The following SLC25A31 variants were observed in gnomAD, a reference collection of about 807,000 sequenced individuals.
SLC25A31 encodes ADP/ATP translocase 4.
Under a neutral mutation model 36.2 loss-of-function variants are expected in SLC25A31, and 40 were observed. That is an observed-to-expected ratio of 1.10 (90% CI 0.86 to 1.44). The LOEUF is 1.44. Ranked by LOEUF, SLC25A31 falls within the 40% of genes most tolerant of loss-of-function variation. The probability of loss-of-function intolerance (pLI) is 0.00; values close to 1 mark genes in which losing one functional copy is unlikely to be tolerated. For synonymous variants in SLC25A31, 143 were observed against 149.7 expected (o/e 0.96, Z 0.32); for missense variants, 350 against 397.1 (o/e 0.88, Z 1.01).
At chr4:127,762,426 G>A (rs920103942) in intron 2 of SLC25A31, among the ~76,000 whole-genome samples, 3 of 152,122 alleles carry the variant, frequency 2.0e-5, no homozygotes, top group Admixed American at 2.0e-4. Context: ...ACTTAAGGAG[G>A]TAGGGAGGAT....
At chr4:127,746,371 T>C (rs561230225) in intron 2 of SLC25A31, among the ~76,000 whole-genome samples, 1 of 152,324 alleles carries the variant, frequency 6.6e-6, no homozygotes, top group Admixed American at 6.5e-5. Context: ...CTATACTGCT[T>C]TCCACAATGG....
chr4:127,747,066 A>G (rs141102158), intron 2 of SLC25A31, among the ~76,000 whole-genome samples: 328 of 152,268 alleles, frequency 2.2e-3, no homozygotes, highest in African/African-American at 7.6e-3. Flanking sequence ...CAGCTTTGTC[A>G]AAGATTAGAT....
intron 2 of SLC25A31, among the ~76,000 whole-genome samples, chr4:127,749,096 A>T (rs569884439): frequency 7.9e-5 from 12 of 152,206 alleles, no homozygotes; most frequent in African/African-American, 2.9e-4. Flanking sequence ...AAACAGAACA[A>T]AACGGAAATC....
chr4:127,770,429 A>G (rs947299908), intron 5 of SLC25A31, among the ~76,000 whole-genome samples: 1 of 152,100 alleles, frequency 6.6e-6, no homozygotes, highest in East Asian at 1.9e-4. Flanking sequence ...GATCAAGACC[A>G]TCCTGGCTAA....
chr4:127,762,644 C>T (rs746545137), intron 2 of SLC25A31, among the ~76,000 whole-genome samples: 13 of 152,022 alleles, frequency 8.6e-5, no homozygotes, highest in Non-Finnish European at 1.0e-4. Context: ...CTGGGCCGGG[C>T]GCAGTGGCTC....
chr4:127,756,260 T>C (rs1346875514), intron 2 of SLC25A31, among the ~76,000 whole-genome samples: 2 of 152,230 alleles, frequency 1.3e-5, no homozygotes, highest in Non-Finnish European at 2.9e-5. Context: ...CTCAGCCTTA[T>C]AGAAGACAGA....
intron 1 of SLC25A31, among the ~76,000 whole-genome samples, chr4:127,732,896 C>G (rs1045995385): frequency 1.3e-5 from 2 of 152,068 alleles, no homozygotes; most frequent in African/African-American, 4.8e-5. Context: ...GGGTATAATC[C>G]TACTTTACAA....
At chr4:127,737,058 G>C (rs182926247) in intron 1 of SLC25A31, among the ~76,000 whole-genome samples, 98 of 152,246 alleles carry the variant, frequency 6.4e-4, no homozygotes, top group Non-Finnish European at 1.6e-4. Context: ...CTCTTAGCAG[G>C]GGCATTGGAG....
intron 3 of SLC25A31, 100 bp from the exon 4 acceptor site, chr4:127,766,966 T>C: frequency 9.8e-7 from 1 of 1,018,836 alleles, no homozygotes. Flanking sequence ...GATTTGTAAG[T>C]GGGAATTTCA....
chr4:127,758,319 T>C (rs1448131141), intron 2 of SLC25A31, among the ~76,000 whole-genome samples: 2 of 152,248 alleles, frequency 1.3e-5, no homozygotes, highest in Admixed American at 1.3e-4. Context: ...TTTGCCCATT[T>C]TTTAATGGGG....
chr4:127,768,863 C>T lies in SLC25A31; in HGVS notation c.745C>T (p.Arg249Cys), dbSNP rs778830237. 30 of 1,593,362 alleles carry T rather than the reference C, an allele frequency of 1.9e-5. No homozygotes were observed. The South Asian group carries it at 2.5e-4, about 13-fold the overall frequency. The change falls in exon 5 of 6, where the codon CGT becomes TGT. Residue 249 changes from arginine to cysteine, a missense_variant. Physicochemically the swap from Arg to Cys is radical, Grantham distance 180. Transcript: ENST00000281154. ...LSYPFDTVRR[R>C]MMMQSGEAKR... ...TTATCCCTTTGACACAGTTAGAAGA[C>T]GTATGATGATGCAGGTATTTTATGT...
chr4:127,754,940 A>T (rs948208634), intron 2 of SLC25A31, among the ~76,000 whole-genome samples: 1 of 152,220 alleles, frequency 6.6e-6, no homozygotes, highest in Non-Finnish European at 1.5e-5. Flanking sequence ...TGAAAATGGC[A>T]TAAAAACAAC....
At position 127,767,068 on chromosome 4, in the gene SLC25A31, C is replaced by G. The variant is rs1732257804; in HGVS notation, c.481C>G (p.Pro161Ala). The G allele has an allele frequency of 1.2e-6, 2 of 1,607,498 alleles. No homozygotes were observed. Among genetic ancestry groups the G allele is most frequent in the Non-Finnish European group, 1.7e-6 (2 of 1,177,324 alleles). ...GATTTTAAATGGCTTTATTTTAGGT[C>G]CTGAGGAGCGACAATTCAAGGGTTT... ...TRLGVDIGKG[P>A]EERQFKGLGD... is the part of the protein sequence containing the mutation. The change falls in exon 4 of 6, where the codon CCT becomes GCT. Residue 161 changes from proline (P) to alanine (A), a missense_variant and splice_region_variant. Physicochemically the swap from Pro to Ala is conservative, Grantham distance 27. Coordinates refer to ENST00000281154, the MANE Select transcript of SLC25A31 (RefSeq NM_031291.4).
intron 2 of SLC25A31, among the ~76,000 whole-genome samples, chr4:127,753,449 C>T (rs982739580): frequency 1.4e-4 from 21 of 152,116 alleles, no homozygotes; most frequent in African/African-American, 4.8e-4. Flanking sequence ...AAATAAGTCT[C>T]ATATAAATCA....
chr4:127,747,012 C>T (rs1731838645), intron 2 of SLC25A31, among the ~76,000 whole-genome samples: 1 of 152,150 alleles, frequency 6.6e-6, no homozygotes, highest in Admixed American at 6.6e-5. Context: ...TATCCCACCA[C>T]TATTTATTGA....
intron 2 of SLC25A31, among the ~76,000 whole-genome samples, chr4:127,761,696 C>A (rs1484922078): frequency 6.6e-6 from 1 of 152,180 alleles, no homozygotes; most frequent in South Asian, 2.1e-4. Context: ...AACCTGGGAT[C>A]CGTGAATGCT....
At position 127,764,269 on chromosome 4, in the gene SLC25A31, G is replaced by A. The variant is rs775237794; in HGVS notation, c.387G>A (p.Leu129=). The A allele has an allele frequency of 5.0e-6, 8 of 1,613,758 alleles. No individual in the cohort carries two copies. Among genetic ancestry groups the A allele is most frequent in the Non-Finnish European group, 6.8e-6 (8 of 1,179,798 alleles). ...KQFWRWFLAN[L]ASGGAAGATS... is the part of the protein sequence containing the mutation. Reference sequence around the variant, plus strand: ...TCTGGAGGTGGTTTTTGGCAAACCTGGCTTCTGGTGGAGCTGCTGGGGCAA... The same window carrying A: ...TCTGGAGGTGGTTTTTGGCAAACCTAGCTTCTGGTGGAGCTGCTGGGGCAA... Residue 129 remains leucine (L), a synonymous_variant, in exon 3 of 6, where the codon CTG becomes CTA. Transcript: ENST00000281154.
At chr4:127,752,514 A>T (rs1248761449) in intron 2 of SLC25A31, among the ~76,000 whole-genome samples, 3 of 152,060 alleles carry the variant, frequency 2.0e-5, no homozygotes, top group African/African-American at 7.2e-5. Context: ...ACATGTATAC[A>T]TATGTAACAA....
chr4:127,749,655 G>A (rs1731891172), intron 2 of SLC25A31, among the ~76,000 whole-genome samples: 1 of 149,414 alleles, frequency 6.7e-6, no homozygotes, highest in Admixed American at 6.7e-5. Context: ...ATTGCAGTGA[G>A]CTGAGATTGC....
Sources: allele counts gnomAD v4.1 joint callset (sites outside exome capture counted in the v4.1 genomes callset), GRCh38; gene constraint gnomAD v4.1.1; transcripts MANE v1.5; gene names NCBI Gene and HGNC (gene_info 2026-07-23, HGNC 2026-07-21).